SCNN1B: variants seen among roughly 807,000 people sequenced by gnomAD.
The protein encoded by SCNN1B is epithelial sodium channel subunit beta.
In SCNN1B, 46 loss-of-function variants were observed where a neutral mutation model predicts 65.3. The observed-to-expected ratio is 0.70, with a 90% CI of 0.56 to 0.90. The LOEUF is 0.90. Among genes scored for constraint, SCNN1B ranks in the 40% least tolerant of loss-of-function variants. The pLI is 0.00. For missense variants in SCNN1B, 751 were observed against 830.5 expected, an observed-to-expected ratio of 0.90 and a Z score of 1.18; for synonymous variants, 349 against 330.6, an observed-to-expected ratio of 1.06 and a Z score of -0.60.
At chr16:23,347,331 T>C (rs1422372369) in intron 1 of SCNN1B, among the ~76,000 whole-genome samples, 3 of 152,092 alleles carry the variant, frequency 2.0e-5, no homozygotes, top group Non-Finnish European at 4.4e-5. Flanking sequence ...TCCATAGCAC[T>C]TTTTGTGCAT....
intron 2 of SCNN1B, among the ~76,000 whole-genome samples, chr16:23,285,360 T>A (rs1207171231): frequency 6.6e-6 from 1 of 152,124 alleles, no homozygotes; most frequent in African/African-American, 2.4e-5. Context: ...TTTGTAGAGG[T>A]AGGGCCTCGC....
At chr16:23,314,753 A>G (rs1961415588) in intron 1 of SCNN1B, among the ~76,000 whole-genome samples, 1 of 152,214 alleles carries the variant, frequency 6.6e-6, no homozygotes, top group African/African-American at 2.4e-5. Flanking sequence ...AATCTCCCCC[A>G]ACAAAGAGGG....
chr16:23,376,619 A>G (rs1962901333), intron 8 of SCNN1B, among the ~76,000 whole-genome samples: 1 of 151,876 alleles, frequency 6.6e-6, no homozygotes, highest in African/African-American at 2.4e-5. Context: ...ACCACCGAAG[A>G]ATTTTGTCAG....
chr16:23,374,035 C>A (rs1317798077), intron 7 of SCNN1B, among the ~76,000 whole-genome samples: 1 of 152,130 alleles, frequency 6.6e-6, no homozygotes, highest in Non-Finnish European at 1.5e-5. Context: ...CAGGCTTGAG[C>A]CCACCCCAGC....
At chr16:23,317,868 TCA>T (rs1961506062) in intron 1 of SCNN1B, among the ~76,000 whole-genome samples, 1 of 152,164 alleles carries the variant, frequency 6.6e-6, no homozygotes, top group Admixed American at 6.5e-5. Flanking sequence ...TCATTGTCAA[TCA>T]CACAGACTAC....
chr16:23,327,715 G>A (rs117714220), intron 1 of SCNN1B, among the ~76,000 whole-genome samples: 4,655 of 152,218 alleles, frequency 0.031, 96 homozygotes, highest in Non-Finnish European at 0.048. Flanking sequence ...ATCGCAAAAT[G>A]TGGTCACCTC....
At chr16:23,326,137 T>C (rs575729390) in intron 1 of SCNN1B, among the ~76,000 whole-genome samples, 2 of 151,990 alleles carry the variant, frequency 1.3e-5, no homozygotes, top group East Asian at 3.9e-4. Flanking sequence ...CTGTATTTCC[T>C]GCTTCCCTAC....
At chr16:23,299,024 T>C (rs1961035939), upstream of SCNN1B, among the ~76,000 whole-genome samples, 1 of 151,956 alleles carries the variant, frequency 6.6e-6, no homozygotes, top group African/African-American at 2.4e-5. Flanking sequence ...ATGAAATTGC[T>C]ATGTTCTTTT....
intron 2 of SCNN1B, among the ~76,000 whole-genome samples, chr16:23,290,375 A>G (rs1238867902): frequency 6.6e-6 from 1 of 152,186 alleles, no homozygotes; most frequent in Admixed American, 6.5e-5. Context: ...GGCGCTGATC[A>G]TGGCTCACTG....
At chr16:23,311,448 T>C (rs1215139686) in intron 1 of SCNN1B, among the ~76,000 whole-genome samples, 2 of 152,222 alleles carry the variant, frequency 1.3e-5, no homozygotes, top group African/African-American at 4.8e-5. Flanking sequence ...ACTAGCTTTG[T>C]CTCACCCACC....
intron 2 of SCNN1B, among the ~76,000 whole-genome samples, chr16:23,349,347 C>T (rs540773188): frequency 1.3e-5 from 2 of 152,104 alleles, no homozygotes; most frequent in East Asian, 1.9e-4. Context: ...ATTAGCCAGA[C>T]GTGGTGGCAC....
At chr16:23,339,139 C>T (rs561075751) in intron 1 of SCNN1B, among the ~76,000 whole-genome samples, 201 of 152,206 alleles carry the variant, frequency 1.3e-3, no homozygotes, top group Non-Finnish European at 2.4e-3. Flanking sequence ...TGTATTCTTA[C>T]GTGTTTAGCT....
In SCNN1B at chr16:23,314,448, A is replaced by G. The variant is rs567070611; in HGVS notation, c.-9+12011A>G. Among the ~76,000 whole-genome samples, 3 of 152,340 alleles carry G rather than the reference A, an allele frequency of 2.0e-5. No homozygotes were observed. The East Asian group carries it at 5.8e-4, about 29-fold the overall frequency. On this transcript the variant is annotated intron_variant, in intron 1 of 12. Coordinates refer to ENST00000343070, the MANE Select transcript of SCNN1B (RefSeq NM_000336.3). ...AATGTAATTGTCTGCATTTCACAGA[A>G]AAGAAAATAGGCTCAGAGAGCTTAA...
chr16:23,366,760 G>A (rs570726382), intron 4 of SCNN1B, among the ~76,000 whole-genome samples: 2 of 152,290 alleles, frequency 1.3e-5, no homozygotes, highest in South Asian at 4.1e-4. Flanking sequence ...CTGGGCTCAA[G>A]TGATCCTCCC....
At position 23,367,937 on chromosome 16, in the gene SCNN1B, G is replaced by A. The variant is rs770186069; in HGVS notation, c.858G>A (p.Ser286=). ...GCATGACAGAGAAGGCACTTCCTTCGGCCAACCCTGGAACTGAATTCGGTG... is the reference window on the plus strand; with the variant it reads ...GCATGACAGAGAAGGCACTTCCTTCAGCCAACCCTGGAACTGAATTCGGTG... ...NWGMTEKALP[S]ANPGTEFGLK... Residue 286 remains serine (S), a synonymous_variant, in exon 5 of 13, where the codon TCG becomes TCA. Coordinates refer to ENST00000343070, the MANE Select transcript of SCNN1B (RefSeq NM_000336.3). 43 of 1,613,848 alleles carry A rather than the reference G, an allele frequency of 2.7e-5. No individual in the cohort carries two copies. The highest frequency in any genetic ancestry group is 2.2e-4 in the Admixed American group (13 of 60,004).
In SCNN1B at chr16:23,346,168, T is replaced by C. The variant is rs542035039; in HGVS notation, c.-8-2424T>C. Among the ~76,000 whole-genome samples the C allele has an allele frequency of 2.4e-4, 37 of 151,178 alleles. 1 individual carries two copies. The South Asian group carries it at 7.6e-3, about 31-fold the overall frequency. ...CGGACACAACCTCACCCCATTCTAA[T>C]TTGTATCCATGGAACACCCTTTTTT... On this transcript the variant is annotated intron_variant, in intron 1 of 12. Transcript: ENST00000343070.
intron 2 of SCNN1B, among the ~76,000 whole-genome samples, chr16:23,284,279 C>T (rs1361767733): frequency 1.3e-5 from 2 of 151,976 alleles, no homozygotes; most frequent in Non-Finnish European, 2.9e-5. Flanking sequence ...GTGGCACGTG[C>T]CTATAATCCC....
intron 1 of SCNN1B, among the ~76,000 whole-genome samples, chr16:23,315,067 TG>T (rs1030802913): frequency 2.0e-5 from 3 of 152,202 alleles, no homozygotes. Context: ...CTGGGTGCGG[TG>T]GCTCAAGCCT....
At chr16:23,304,252 T>TGC (rs1961146586) in intron 1 of SCNN1B, among the ~76,000 whole-genome samples, 1 of 128,294 alleles carries the variant, frequency 7.8e-6, no homozygotes, top group East Asian at 2.3e-4. Context: ...CATGAATGCA[T>TGC]GCACACACAC....
Sources: gnomAD v4.1 joint callset for allele counts (sites outside exome capture counted in the v4.1 genomes callset) on GRCh38, gnomAD v4.1.1 for gene constraint, MANE v1.5 for transcripts, NCBI Gene and HGNC (gene_info 2026-07-23, HGNC 2026-07-21) for gene names.